The following LIMD1 variants were observed in gnomAD, a reference collection of about 807,000 sequenced individuals.
LIMD1 encodes the protein LIM domain-containing protein 1.
LIMD1 carries 23 observed loss-of-function variants against 58.4 expected under a neutral mutation model. The ratio of observed to expected loss-of-function variants is 0.39; its 90% CI spans 0.28 to 0.56. The LOEUF (loss-of-function observed/expected upper bound fraction) is 0.56. LIMD1 is among the 20% of genes least tolerant of loss of function. The pLI is 0.57. For missense variants in LIMD1, 838 were observed against 855.5 expected, an observed-to-expected ratio of 0.98 and a Z score of 0.25; for synonymous variants, 334 against 345.5, an observed-to-expected ratio of 0.97 and a Z score of 0.37.
rs749584742 is a variant in LIMD1 at position 45,596,169 on chromosome 3, C to T, written c.1290C>T (p.Pro430=). 19 of 1,614,016 alleles carry T rather than the reference C, an allele frequency of 1.2e-5. No homozygotes were observed. The highest frequency in any genetic ancestry group is 1.6e-5 in the Non-Finnish European group (19 of 1,179,974). ...DSPSSPRVRL[P]CQPLVPGPEL... is the part of the protein sequence containing the mutation. ...CCAGCTCCCCTAGGGTAAGGCTGCC[C>T]TGCCAGCCCCTCGTCCCAGGTCCTG... The change falls in exon 1 of 8, where the codon CCC becomes CCT. Residue 430 remains proline (P), a synonymous_variant. Coordinates refer to ENST00000273317, the MANE Select transcript of LIMD1 (RefSeq NM_014240.3).
rs1575373770 is a variant in LIMD1 at position 45,684,733 on chromosome 3, T to G, written c.*7674T>G. ...CCACCTTGATCTTTTATTATGCAGA[T>G]AGGGTTTTTTACTTGGCCAGAGCCT... On this transcript the variant is annotated 3_prime_UTR_variant, in exon 8 of 8. Transcript: ENST00000273317. 1 of 152,138 alleles carries G rather than the reference T, an allele frequency of 6.6e-6. No individual in the cohort carries two copies. Among genetic ancestry groups the G allele is most frequent in the East Asian group, 1.9e-4 (1 of 5,180 alleles). The allele number at this position is 152,138 out of a possible 1,614,324, so 9.4% of individuals were successfully genotyped here. A position where few individuals can be genotyped will look rare whatever the true frequency, so the allele number is the denominator to read the frequency against.
At position 45,684,672 on chromosome 3, in the gene LIMD1, G is replaced by A. The variant is rs963522537; in HGVS notation, c.*7613G>A. 2 of 152,236 alleles carry A rather than the reference G, an allele frequency of 1.3e-5. No homozygotes were observed. The highest frequency in any genetic ancestry group is 2.9e-5 in the Non-Finnish European group (2 of 68,064). 9.4% of individuals were successfully genotyped at this position (152,236 alleles called of 1,614,324 possible). ...GCCCAAGGGATTGGTTTGACCAGGT[G>A]TGCCATTTACATAGCCCTCGAAGAA... is the stretch of plus-strand genomic sequence containing the variant. On this transcript the variant is annotated 3_prime_UTR_variant, in exon 8 of 8. Transcript: ENST00000273317.
chr3:45,633,715 A>G (rs753305501), intron 1 of LIMD1, among the ~76,000 whole-genome samples: 1 of 152,216 alleles, frequency 6.6e-6, no homozygotes, highest in South Asian at 2.1e-4. Context: ...CCAATGGTCA[A>G]TGTCTTGTCT....
Position 45,594,840 on chromosome 3 carries a change from C to T in LIMD1, c.-40C>T, listed in dbSNP as rs1180931693. ...ACACACACACACACACACACACACACACACGGCACCTGGGCTAGGCCCGGA... is the reference window on the plus strand; with the variant it reads ...ACACACACACACACACACACACACATACACGGCACCTGGGCTAGGCCCGGA... On this transcript the variant is annotated 5_prime_UTR_variant, in exon 1 of 8. Coordinates refer to ENST00000273317, the MANE Select transcript of LIMD1 (RefSeq NM_014240.3). 2 of 1,312,282 alleles carry T rather than the reference C, an allele frequency of 1.5e-6. No individual in the cohort carries two copies. The highest frequency in any genetic ancestry group is 3.8e-5 in the Admixed American group (2 of 53,208). The allele number at this position is 1,312,282 out of a possible 1,614,324, so 81.3% of individuals were successfully genotyped here.
intron 1 of LIMD1, among the ~76,000 whole-genome samples, chr3:45,632,967 C>T (rs1701750710): frequency 1.3e-5 from 2 of 152,180 alleles, no homozygotes; most frequent in Admixed American, 6.5e-5. Context: ...GCTAGGTGGG[C>T]CCCACAGCTC....
At chr3:45,617,437 C>T (rs986495168) in intron 1 of LIMD1, among the ~76,000 whole-genome samples, 3 of 152,112 alleles carry the variant, frequency 2.0e-5, no homozygotes, top group African/African-American at 4.8e-5. Context: ...GGCACAGAAC[C>T]GATGTTAAAC....
chr3:45,675,403 C>A (rs1252896722), intron 7 of LIMD1, among the ~76,000 whole-genome samples: 3 of 152,184 alleles, frequency 2.0e-5, no homozygotes, highest in Non-Finnish European at 4.4e-5. Context: ...GTGGCACACG[C>A]CTGTAGTCCC....
Position 45,595,953 on chromosome 3 carries a change from C to A in LIMD1, c.1074C>A (p.Asp358Glu). ...CGTCATCCTCGCCAGCTGGTCTGGA[C>A]GGTTCACAGCAGGGTGCGGTCCCTG... Reference protein sequence around the residue: ...SAPSSSPAGLDGSQQGAVPGL... With the variant: ...SAPSSSPAGLEGSQQGAVPGL... Residue 358 changes from aspartate (D) to glutamate (E), a missense_variant, in exon 1 of 8, where the codon GAC becomes GAA. Asp to Glu is a conservative substitution (Grantham distance 45, BLOSUM62 2). Around this residue, in one of 3 missense-constraint regions of LIMD1, gnomAD observed 659 missense variants for 639.8 expected, o/e 1.03. Coordinates refer to ENST00000273317, the MANE Select transcript of LIMD1 (RefSeq NM_014240.3). 6.2e-7 allele frequency: 1 copy of A among 1,614,220 alleles called. No individual in the cohort carries two copies. Among genetic ancestry groups the A allele is most frequent in the South Asian group, 1.1e-5 (1 of 91,086 alleles).
chr3:45,675,608 TAA>T (rs199656696), intron 7 of LIMD1, among the ~76,000 whole-genome samples: 1 of 92,100 alleles, frequency 1.1e-5, no homozygotes, highest in South Asian at 3.2e-4. Context: ...ATTAAAACGT[TAA>T]AGAATTATGA....
intron 3 of LIMD1, among the ~76,000 whole-genome samples, chr3:45,667,145 G>A (rs894777341): frequency 2.6e-5 from 4 of 152,198 alleles, no homozygotes; most frequent in East Asian, 3.9e-4. Flanking sequence ...TTTCACATCC[G>A]ATGGGCAAGA....
At chr3:45,612,070 G>GCGCT (rs55860697) in intron 1 of LIMD1, among the ~76,000 whole-genome samples, 130 of 144,862 alleles carry the variant, frequency 9.0e-4, no homozygotes, top group Non-Finnish European at 9.1e-4. Flanking sequence ...GCAGGTGCGC[G>GCGCT]CTCTCTCTCT....
At chr3:45,618,046 C>T (rs1263959701) in intron 1 of LIMD1, among the ~76,000 whole-genome samples, 4 of 152,044 alleles carry the variant, frequency 2.6e-5, no homozygotes, top group South Asian at 2.1e-4. Context: ...CTTCTGGTTC[C>T]GTGTGGTGGG....
intron 2 of LIMD1, among the ~76,000 whole-genome samples, chr3:45,654,840 AAG>A (rs1455383913): frequency 1.3e-5 from 2 of 151,608 alleles, no homozygotes; most frequent in African/African-American, 2.4e-5. Flanking sequence ...AAAAAGAAAA[AAG>A]AAAAAATTCA....
chr3:45,614,409 TA>T (rs776301383), intron 1 of LIMD1, among the ~76,000 whole-genome samples: 1,821 of 125,464 alleles, frequency 0.015, 11 homozygotes, highest in African/African-American at 0.036. Context: ...CACCTGTAGT[TA>T]AAAAAAAAAA....
intron 2 of LIMD1, among the ~76,000 whole-genome samples, chr3:45,654,245 T>C (rs1010848381): frequency 1.3e-4 from 20 of 152,224 alleles, no homozygotes; most frequent in African/African-American, 4.6e-4. Context: ...CTCTTCTCAT[T>C]GTTGGGAAAC....
intron 2 of LIMD1, among the ~76,000 whole-genome samples, chr3:45,664,415 G>C (rs17078167): frequency 7.2e-5 from 11 of 152,174 alleles, no homozygotes; most frequent in African/African-American, 2.7e-4. Context: ...TATTGCCAAA[G>C]CTTCCCCTCC....
intron 1 of LIMD1, among the ~76,000 whole-genome samples, chr3:45,617,984 A>G (rs1302413819): frequency 2.0e-5 from 3 of 152,136 alleles, no homozygotes; most frequent in African/African-American, 7.2e-5. Context: ...TCTGAGGAGA[A>G]TTCGGGATTT....
At chr3:45,661,755 TTTG>T (rs1465782971) in intron 2 of LIMD1, among the ~76,000 whole-genome samples, 11 of 152,186 alleles carry the variant, frequency 7.2e-5, no homozygotes, top group Non-Finnish European at 1.5e-5. Flanking sequence ...CATAGGGTTT[TTTG>T]TTGTTGTTTG....
chr3:45,600,256 A>G (rs1423892955), intron 1 of LIMD1, among the ~76,000 whole-genome samples: 1 of 152,170 alleles, frequency 6.6e-6, no homozygotes, highest in Non-Finnish European at 1.5e-5. Context: ...AGCAAAGTAG[A>G]TGTTTGGGTT....
Sources: allele counts gnomAD v4.1 joint callset (sites outside exome capture counted in the v4.1 genomes callset), GRCh38; gene constraint gnomAD v4.1.1; regional missense constraint gnomAD v4.1.1; transcripts MANE v1.5; gene names NCBI Gene and HGNC (gene_info 2026-07-23, HGNC 2026-07-21).